The following TLN2 variants were observed in gnomAD, a reference collection of about 807,000 sequenced individuals.
TLN2 encodes talin-2.
In TLN2, 118 loss-of-function variants were observed where a neutral mutation model predicts 294.7. That is an observed-to-expected ratio of 0.40 (90% CI 0.34 to 0.47). The LOEUF (loss-of-function observed/expected upper bound fraction) is 0.47. Among genes scored for constraint, TLN2 ranks in the 20% least tolerant of loss-of-function variants. TLN2 has a pLI of 0.84. For missense variants in TLN2, 3,083 were observed against 3,282.2 expected, an observed-to-expected ratio of 0.94 and a Z score of 1.48; for synonymous variants, 1,431 against 1,304.5, an observed-to-expected ratio of 1.10 and a Z score of -2.09.
chr15:62,768,262 G>A lies in TLN2; in HGVS notation c.5196+1840G>A, dbSNP rs1486762228. On this transcript the variant is annotated intron_variant, in intron 41 of 58. Coordinates refer to ENST00000636159, the MANE Select transcript of TLN2 (RefSeq NM_015059.3). ...ATCCAAGGTCTAAAATCAGGTGGTG[G>A]CAGGGCTGTGCAGTCTACAGAGACT... is the stretch of plus-strand genomic sequence containing the variant. 3.3e-5 allele frequency among the ~76,000 whole-genome samples: 5 copies of A among 152,178 alleles called. No individual in the cohort carries two copies. The East Asian group carries it at 9.6e-4, about 29-fold the overall frequency.
chr15:62,753,952 T>C, intron 36 of TLN2, 36 bp downstream of exon 36: 1 of 1,515,968 alleles, frequency 6.6e-7, no homozygotes, highest in Non-Finnish European at 8.9e-7. Flanking sequence ...TTCAAGCCCT[T>C]AAGCAGCTCC....
chr15:62,760,306 G>C (rs978537811), intron 37 of TLN2, among the ~76,000 whole-genome samples: 1 of 152,194 alleles, frequency 6.6e-6, no homozygotes, highest in Non-Finnish European at 1.5e-5. Context: ...AGCTGCCAAG[G>C]CTTGATTGGA....
At chr15:62,718,455 A>C (rs2059921425) in intron 24 of TLN2, among the ~76,000 whole-genome samples, 1 of 152,126 alleles carries the variant, frequency 6.6e-6, no homozygotes, top group Non-Finnish European at 1.5e-5. Context: ...TGCTTCTTCA[A>C]ATCTCTGCCA....
At chr15:62,512,679 C>A (rs2039992081) in intron 1 of TLN2, among the ~76,000 whole-genome samples, 1 of 152,180 alleles carries the variant, frequency 6.6e-6, no homozygotes, top group African/African-American at 2.4e-5. Flanking sequence ...TAAAAAAATT[C>A]ATGGGTTACC....
intron 20 of TLN2, 102 bp downstream of exon 20, chr15:62,707,355 C>A: frequency 7.4e-7 from 1 of 1,354,796 alleles, no homozygotes; most frequent in Non-Finnish European, 9.8e-7. Context: ...TTTAAATAGT[C>A]CGAGATTTAG....
At chr15:62,526,136 T>C (rs976785353) in intron 1 of TLN2, among the ~76,000 whole-genome samples, 2 of 152,162 alleles carry the variant, frequency 1.3e-5, no homozygotes, top group African/African-American at 4.8e-5. Context: ...AATAATTATT[T>C]CCTTTTTATT....
intron 1 of TLN2, among the ~76,000 whole-genome samples, chr15:62,445,359 C>T (rs756532926): frequency 2.4e-4 from 36 of 152,108 alleles, no homozygotes; most frequent in African/African-American, 3.6e-4. Flanking sequence ...ATGCTATATA[C>T]GTTAGAGTTT....
At chr15:62,448,846 A>G (rs1162570175) in intron 1 of TLN2, among the ~76,000 whole-genome samples, 2 of 152,202 alleles carry the variant, frequency 1.3e-5, no homozygotes, top group Admixed American at 1.3e-4. Context: ...AGCTCATCCC[A>G]TCAGGAGGAA....
intron 54 of TLN2, among the ~76,000 whole-genome samples, chr15:62,822,261 C>T (rs571327033): frequency 1.3e-5 from 2 of 152,322 alleles, no homozygotes; most frequent in East Asian, 1.9e-4. Flanking sequence ...AGTATAAGAA[C>T]ACTGCCTGAC....
intron 3 of TLN2, among the ~76,000 whole-genome samples, chr15:62,639,297 G>A (rs1366504264): frequency 1.3e-5 from 2 of 152,032 alleles, no homozygotes; most frequent in Non-Finnish European, 2.9e-5. Context: ...TGCTATATTG[G>A]GGACTGTGGT....
intron 12 of TLN2, among the ~76,000 whole-genome samples, chr15:62,691,855 A>T (rs2057945150): frequency 6.6e-6 from 1 of 152,006 alleles, no homozygotes; most frequent in Admixed American, 6.5e-5. Context: ...AAAAAAATTT[A>T]TAGAGGTGAA....
intron 28 of TLN2, among the ~76,000 whole-genome samples, chr15:62,730,545 G>C (rs1447813789): frequency 6.6e-6 from 1 of 152,100 alleles, no homozygotes; most frequent in Non-Finnish European, 1.5e-5. Context: ...TTAATCTACT[G>C]GTGACAAGTT....
intron 25 of TLN2, among the ~76,000 whole-genome samples, chr15:62,720,694 T>C (rs1353905917): frequency 1.3e-5 from 2 of 151,596 alleles, no homozygotes; most frequent in Admixed American, 6.6e-5. Flanking sequence ...TTCTTTTAAA[T>C]TGGTATTCAT....
chr15:62,493,576 C>T (rs1203585163), intron 1 of TLN2, among the ~76,000 whole-genome samples: 3 of 151,712 alleles, frequency 2.0e-5, no homozygotes, highest in Non-Finnish European at 2.9e-5. Context: ...CGCTCTCCCA[C>T]GTAGGAAGCT....
chr15:62,698,702 A>G, intron 15 of TLN2, 52 bp from the exon 16 acceptor site: 1 of 1,481,060 alleles, frequency 6.8e-7, no homozygotes. Context: ...ATAAAGGGCC[A>G]TGTCGGTCCC....
intron 1 of TLN2, among the ~76,000 whole-genome samples, chr15:62,577,436 C>G (rs538027501): frequency 6.6e-6 from 1 of 152,164 alleles, no homozygotes; most frequent in South Asian, 2.1e-4. Flanking sequence ...AAGAGCAAAA[C>G]TCCATCTCAA....
intron 1 of TLN2, among the ~76,000 whole-genome samples, chr15:62,582,194 A>ACG: frequency 7.2e-6 from 1 of 139,140 alleles, no homozygotes; most frequent in Non-Finnish European, 1.5e-5. Flanking sequence ...ATGTGTATGC[A>ACG]TACACACACA....
At chr15:62,465,451 G>C (rs1431927730) in intron 1 of TLN2, among the ~76,000 whole-genome samples, 1 of 152,168 alleles carries the variant, frequency 6.6e-6, no homozygotes, top group African/African-American at 2.4e-5. Context: ...AGTCAGGCCA[G>C]TTATATTCCT....
intron 45 of TLN2, among the ~76,000 whole-genome samples, chr15:62,792,004 T>C (rs2065108083): frequency 1.3e-5 from 2 of 152,174 alleles, no homozygotes; most frequent in African/African-American, 4.8e-5. Context: ...TGCTGAGCTT[T>C]TAGCTCTAAA....
Sources: gnomAD v4.1 joint callset for allele counts (sites outside exome capture counted in the v4.1 genomes callset) on GRCh38, gnomAD v4.1.1 for gene constraint, MANE v1.5 for transcripts, NCBI Gene and HGNC (gene_info 2026-07-23, HGNC 2026-07-21) for gene names.